The following KDM5C variants were observed in gnomAD, a reference collection of about 807,000 sequenced individuals.
The protein encoded by KDM5C is lysine-specific demethylase 5C.
A neutral mutation model predicts 110.6 loss-of-function variants in KDM5C; 16 were observed. That is an observed-to-expected ratio of 0.14 (90% CI 0.10 to 0.22). The LOEUF (loss-of-function observed/expected upper bound fraction) is 0.22. Ranked by LOEUF, KDM5C falls within the 10% of genes least tolerant of loss-of-function variation. KDM5C has a pLI of 1.00. For synonymous variants in KDM5C, 511 were observed against 520.4 expected (o/e 0.98, Z 0.24); for missense variants, 681 against 1,300.9 (o/e 0.52, Z 7.33).
intron 1 of KDM5C, 128 bp from the exon 2 acceptor site, chrX:53,221,044 C>T: frequency 1.8e-6 from 1 of 558,565 alleles, no homozygotes; most frequent in Non-Finnish European, 3.1e-6. Context: ...ACCCTTTAAC[C>T]TGCAAACATC....
downstream of KDM5C, among the ~76,000 whole-genome samples, chrX:53,189,584 T>G (rs781985052): frequency 8.9e-6 from 1 of 112,511 alleles, no homozygotes; most frequent in East Asian, 2.8e-4. Context: ...GGTTAGTGTC[T>G]GCCCCTTCAA....
At chrX:53,182,154 G>A (rs782005815) in intron 25 of KDM5C, among the ~76,000 whole-genome samples, 3 of 102,550 alleles carry the variant, frequency 2.9e-5, no homozygotes, top group South Asian at 4.2e-4. Context: ...GCTTGATCTC[G>A]GCTCACCACA....
chrX:53,181,797 T>TC (rs1934064153), intron 25 of KDM5C, among the ~76,000 whole-genome samples: 1 of 110,844 alleles, frequency 9.0e-6, no homozygotes, highest in Non-Finnish European at 1.9e-5. Context: ...GCCAAACTTT[T>TC]TTTTTTTTTG....
chrX:53,215,810 G>A lies in KDM5C; in HGVS notation c.948C>T (p.His316=). The change falls in exon 7 of 26, where the codon CAC becomes CAT. Residue 316 remains histidine, a synonymous_variant. Transcript: ENST00000375401. ...GGGTCCTTACAAACTGGGCATTGCT[G>A]TGGTTCCTCCGTAGCCTCATGGTCA... ...TKMTMRLRRN[H]SNAQFIESYV... 6 of 1,211,661 alleles carry A rather than the reference G, an allele frequency of 5.0e-6. No homozygotes were observed. The South Asian group carries it at 1.1e-4, about 21-fold the overall frequency.
rs1234698603 is a variant in KDM5C at position 53,197,757 on chromosome X, C to G, written c.2622+14G>C. 2.5e-6 allele frequency: 3 copies of G among 1,178,226 alleles called. No individual in the cohort carries two copies. Among genetic ancestry groups the G allele is most frequent in the Non-Finnish European group, 3.4e-6 (3 of 872,204 alleles). On this transcript the variant is annotated intron_variant, in intron 18 of 25. Coordinates refer to ENST00000375401, the MANE Select transcript of KDM5C (RefSeq NM_004187.5). ...GTCCCCTTGATCCCTCATCAGCACTCCAAGCGTCCTCACCTTGACATCCCC... is the reference window on the plus strand; with the variant it reads ...GTCCCCTTGATCCCTCATCAGCACTGCAAGCGTCCTCACCTTGACATCCCC...
chrX:53,209,129 T>C (rs1411685388), intron 12 of KDM5C, among the ~76,000 whole-genome samples: 1 of 111,135 alleles, frequency 9.0e-6, no homozygotes, highest in Non-Finnish European at 1.9e-5. Flanking sequence ...GAGAATCCTC[T>C]TTTACAGTTT....
At chrX:53,213,181 C>T (rs2073627371) in intron 8 of KDM5C, among the ~76,000 whole-genome samples, 1 of 111,443 alleles carries the variant, frequency 9.0e-6, no homozygotes, top group South Asian at 3.8e-4. Context: ...CAGACACACA[C>T]CATGCTTATG....
chrX:53,208,410 CACAT>C (rs1438883602), intron 12 of KDM5C, among the ~76,000 whole-genome samples: 3 of 39,018 alleles, frequency 7.7e-5, no homozygotes, highest in East Asian at 1.3e-3. Context: ...CATATATATA[CACAT>C]ACATATATAT....
At chrX:53,219,320 G>A (rs2073835005) in intron 2 of KDM5C, among the ~76,000 whole-genome samples, 1 of 112,597 alleles carries the variant, frequency 8.9e-6, no homozygotes, top group Non-Finnish European at 1.9e-5. Flanking sequence ...CTCCAAAAAG[G>A]CACATGCACC....
chrX:53,195,375 C>A lies in KDM5C; in HGVS notation c.3156G>T (p.Glu1052Asp). The change falls in exon 21 of 26, where the codon GAG (glutamate) becomes GAT (aspartate). Residue 1052 changes from glutamate to aspartate, a missense_variant. Coordinates refer to ENST00000375401, the MANE Select transcript of KDM5C (RefSeq NM_004187.5). ...GDHYPCLDDL[E>D]GLVAVGRDLP... is the part of the protein sequence containing the mutation. ...GGTCCCGGCCCACAGCTACTAGGCC[C>A]TCCAAGTCATCCAGGCAGGGGTAGT... The A allele has an allele frequency of 8.3e-7, 1 of 1,207,825 alleles. No homozygotes were observed. The highest frequency in any genetic ancestry group is 3.0e-5 in the East Asian group (1 of 33,673).
chrX:53,198,600 A>G lies in KDM5C; in HGVS notation c.2406T>C (p.Arg802=), dbSNP rs1407114028. 57 of 1,210,237 alleles carry G rather than the reference A, an allele frequency of 4.7e-5. No homozygotes were observed. The highest frequency in any genetic ancestry group is 6.1e-5 in the Non-Finnish European group (55 of 895,287). Residue 802 remains arginine (R), a synonymous_variant, in exon 17 of 26, where the codon CGT becomes CGC. Transcript: ENST00000375401. ...GCTCACTATTAGGAAACCTCCGCTC[A>G]CGGGCTTCAGACTCTAGTGCCCTCA... is the stretch of plus-strand genomic sequence containing the variant. ...EELRALESEA[R]ERRFPNSELL... is the part of the protein sequence containing the mutation.
rs2073572252 is a variant in KDM5C at position 53,211,871 on chromosome X, C to T, written c.1158G>A (p.Glu386=). The T allele has an allele frequency of 8.3e-7, 1 of 1,211,161 alleles. No homozygotes were observed. Among genetic ancestry groups the T allele is most frequent in the Non-Finnish European group, 1.1e-6 (1 of 895,024 alleles). The change falls in exon 9 of 26, where the codon GAG becomes GAA. Residue 386 remains glutamate (E), a synonymous_variant. Coordinates refer to ENST00000375401, the MANE Select transcript of KDM5C (RefSeq NM_004187.5). The part of the protein sequence containing the change: ...CKRPPEAFGF[E]QATREYTLQS... Reference sequence around the variant, plus strand: ...GCAGAGTGTATTCCCGGGTAGCCTGCTCAAAGCCAAAGGCTTCTGGGGGCC... The same window carrying T: ...GCAGAGTGTATTCCCGGGTAGCCTGTTCAAAGCCAAAGGCTTCTGGGGGCC...
chrX:53,183,472 C>T (rs781856881), intron 25 of KDM5C, among the ~76,000 whole-genome samples: 2 of 108,471 alleles, frequency 1.8e-5, no homozygotes, highest in South Asian at 8.1e-4. Context: ...AAAAATTGGC[C>T]ATTTGACTTT....
intron 12 of KDM5C, among the ~76,000 whole-genome samples, chrX:53,206,486 A>C (rs1426538654): frequency 8.9e-6 from 1 of 112,013 alleles, no homozygotes; most frequent in Non-Finnish European, 1.9e-5. Flanking sequence ...ACTTTAAAAA[A>C]TGGTTATAAT....
At chrX:53,183,762 C>CG (rs1569250613) in intron 25 of KDM5C, among the ~76,000 whole-genome samples, 3 of 109,897 alleles carry the variant, frequency 2.7e-5, no homozygotes, top group African/African-American at 9.9e-5. Context: ...TTAGTAGATA[C>CG]GGGGGTTTCA....
Position 53,193,196 on chromosome X carries a change from G to A in KDM5C, c.4454C>T (p.Ser1485Leu). Residue 1485 changes from serine (S) to leucine (L), a missense_variant, in exon 26 of 26, where the codon TCA becomes TTA. By Grantham distance (145) the Ser-to-Leu change is moderately radical (BLOSUM62 -2). Around this residue, in one of 14 missense-constraint regions of KDM5C, gnomAD observed 115 missense variants for 120.9 expected, o/e 0.95. Transcript: ENST00000375401. ...CTGGACCTCCTCAGCCTCTGGCCCT[G>A]AGCTCCGTACCCTCTTTGGCTCTAG... ...EELEPKRVRS[S>L]GPEAEEVQEE... The A allele has an allele frequency of 8.3e-7, 1 of 1,210,294 alleles. No homozygotes were observed. Among genetic ancestry groups the A allele is most frequent in the Non-Finnish European group, 1.1e-6 (1 of 895,275 alleles).
At chrX:53,184,514 T>TTA (rs1934163052) in intron 25 of KDM5C, among the ~76,000 whole-genome samples, 2 of 111,567 alleles carry the variant, frequency 1.8e-5, no homozygotes, top group African/African-American at 6.5e-5. Flanking sequence ...AGTGCTGGGA[T>TTA]CATAAGTGTT....
intron 25 of KDM5C, among the ~76,000 whole-genome samples, chrX:53,179,280 C>T (rs1441670269): frequency 3.7e-5 from 4 of 108,646 alleles, no homozygotes; most frequent in Admixed American, 2.0e-4. Flanking sequence ...GAGCCGAGAT[C>T]GTGCCATTGC....
Position 53,198,746 on chromosome X carries a change from A to G in KDM5C, c.2368+18T>C, listed in dbSNP as rs782608477. ...TAGAACTTGCCTGTGGAGTCCCTCC[A>G]TCCCCCCCATCACTCACTGCGCTTC... On this transcript the variant is annotated intron_variant, in intron 16 of 25. Coordinates refer to ENST00000375401, the MANE Select transcript of KDM5C (RefSeq NM_004187.5). 5 of 1,211,645 alleles carry G rather than the reference A, an allele frequency of 4.1e-6. No homozygotes were observed. The highest frequency in any genetic ancestry group is 5.6e-6 in the Non-Finnish European group (5 of 895,376).
Sources: gnomAD v4.1 joint callset for allele counts (sites outside exome capture counted in the v4.1 genomes callset) on GRCh38, gnomAD v4.1.1 for gene constraint, gnomAD v4.1.1 regional missense constraint, MANE v1.5 for transcripts, NCBI Gene and HGNC (gene_info 2026-07-23, HGNC 2026-07-21) for gene names.